The following BACE2 variants were observed in gnomAD, a reference collection of about 807,000 sequenced individuals.
BACE2 encodes beta-secretase 2, also known as 56 kDa aspartic-like protease.
In BACE2, 17 loss-of-function variants were observed where a neutral mutation model predicts 46.2. The observed-to-expected ratio is 0.37, with a 90% CI of 0.25 to 0.55. The LOEUF is 0.55. Among genes scored for constraint, BACE2 ranks in the 20% least tolerant of loss-of-function variants. BACE2 has a pLI of 0.82. For missense variants in BACE2, 595 were observed against 698.1 expected (o/e 0.85, Z 1.66); for synonymous variants, 277 against 295.9 (o/e 0.94, Z 0.66).
chr21:41,228,931 A>C (rs1433204676), intron 2 of BACE2, among the ~76,000 whole-genome samples: 1 of 152,138 alleles, frequency 6.6e-6, no homozygotes, highest in Admixed American at 6.5e-5. Flanking sequence ...GCATATGTGA[A>C]TGGGAGGTGC....
At chr21:41,244,272 G>T (rs145255621) in intron 5 of BACE2, among the ~76,000 whole-genome samples, 1 of 152,092 alleles carries the variant, frequency 6.6e-6, no homozygotes, top group Non-Finnish European at 1.5e-5. Flanking sequence ...CTTGTCACGC[G>T]CGTCCATGTA....
intron 6 of BACE2, among the ~76,000 whole-genome samples, chr21:41,250,180 C>A (rs1476776546): frequency 3.3e-5 from 5 of 152,102 alleles, no homozygotes; most frequent in Non-Finnish European, 5.9e-5. Flanking sequence ...TCTAGTGTTA[C>A]AAGAAGAAGC....
rs73366435 is a variant in BACE2, at chr21:41,224,553, G to A, written c.313-1713G>A. ...TTTCAACCTTTTGGGCTATATCTAC[G>A]TGGTCTGTGTTTATTTCTAAAAGAA... On this transcript the variant is annotated intron_variant, in intron 1 of 8. Transcript: ENST00000330333. 3.4e-3 allele frequency among the ~76,000 whole-genome samples: 515 copies of A among 152,244 alleles called. 5 individuals carry two copies. Among genetic ancestry groups the A allele is most frequent in the East Asian group, 0.012 (63 of 5,184 alleles).
intron 1 of BACE2, among the ~76,000 whole-genome samples, chr21:41,222,338 T>C (rs1986683215): frequency 6.6e-6 from 1 of 152,142 alleles, no homozygotes; most frequent in African/African-American, 2.4e-5. Context: ...ACAGCAGTTC[T>C]CCCAAAGGGC....
intron 1 of BACE2, among the ~76,000 whole-genome samples, chr21:41,199,181 A>G (rs1985859215): frequency 6.6e-6 from 1 of 151,510 alleles, no homozygotes; most frequent in African/African-American, 2.4e-5. Flanking sequence ...CTTCTTTTTT[A>G]ACAGGAACCC....
chr21:41,244,247 T>C (rs1349649069), intron 5 of BACE2, among the ~76,000 whole-genome samples: 1 of 152,198 alleles, frequency 6.6e-6, no homozygotes, highest in East Asian at 1.9e-4. Context: ...TCAATTCTCA[T>C]ATATGCAGGT....
At chr21:41,261,985 C>G (rs985012258) in intron 8 of BACE2, among the ~76,000 whole-genome samples, 1 of 151,994 alleles carries the variant, frequency 6.6e-6, no homozygotes, top group Non-Finnish European at 1.5e-5. Flanking sequence ...GACTTTCACC[C>G]CTAAATATTT....
intron 1 of BACE2, among the ~76,000 whole-genome samples, chr21:41,174,139 C>CTTTTTT (rs1328562900): frequency 2.1e-5 from 1 of 48,496 alleles, no homozygotes; most frequent in African/African-American, 1.6e-4. Context: ...GATCAGTGGC[C>CTTTTTT]TTTTTTTTTT....
intron 8 of BACE2, among the ~76,000 whole-genome samples, chr21:41,262,675 C>A (rs1432899838): frequency 6.6e-6 from 1 of 152,094 alleles, no homozygotes; most frequent in Non-Finnish European, 1.5e-5. Context: ...TTATTTAGGT[C>A]TTCTTTTATG....
chr21:41,192,382 A>G (rs1264961202), intron 1 of BACE2, among the ~76,000 whole-genome samples: 1 of 152,154 alleles, frequency 6.6e-6, no homozygotes, highest in African/African-American at 2.4e-5. Context: ...AATCACGTAT[A>G]TACCACTTCC....
chr21:41,250,730 G>T (rs960231), intron 6 of BACE2, 22 bp from the exon 7 acceptor site: 2 of 1,612,986 alleles, frequency 1.2e-6, no homozygotes, highest in South Asian at 1.1e-5. Context: ...CATGGTTTCT[G>T]ATGTGATCTT....
At position 41,280,269 on chromosome 21, in the gene BACE2, A is replaced by G. The variant is rs1156986981; in HGVS notation, c.*4645A>G. The G allele has an allele frequency of 1.3e-5, 2 of 152,328 alleles. No homozygotes were observed. Among genetic ancestry groups the G allele is most frequent in the African/African-American group, 4.8e-5 (2 of 41,472 alleles). The allele number at this position is 152,328 out of a possible 1,614,324, so 9.4% of individuals were successfully genotyped here. A position where few individuals can be genotyped will look rare whatever the true frequency, so the allele number is the denominator to read the frequency against. On this transcript the variant is annotated 3_prime_UTR_variant, in exon 9 of 9. Transcript: ENST00000330333. ...TCTGAGCATCTGGAAGGCTCCTGGCAGCAGTTACCTGACAGTGTCGTTGAG... is the reference window on the plus strand; with the variant it reads ...TCTGAGCATCTGGAAGGCTCCTGGCGGCAGTTACCTGACAGTGTCGTTGAG...
intron 1 of BACE2, among the ~76,000 whole-genome samples, chr21:41,210,893 C>G (rs896346835): frequency 6.6e-6 from 1 of 152,190 alleles, no homozygotes; most frequent in African/African-American, 2.4e-5. Flanking sequence ...CTGTAAACTG[C>G]TGAATATGTA....
intron 1 of BACE2, among the ~76,000 whole-genome samples, chr21:41,218,880 T>G (rs546621547): frequency 2.0e-4 from 30 of 151,984 alleles, no homozygotes; most frequent in African/African-American, 5.3e-4. Context: ...TTTTTTTTTT[T>G]TGTGACAGAG....
chr21:41,234,315 C>T (rs2123588734), intron 2 of BACE2, among the ~76,000 whole-genome samples: 1 of 152,332 alleles, frequency 6.6e-6, no homozygotes, highest in Middle Eastern at 3.4e-3. Context: ...ATTACCCAGT[C>T]TTAGGTATGC....
chr21:41,196,131 T>A lies in BACE2; in HGVS notation c.312+27556T>A, dbSNP rs912487668. Among the ~76,000 whole-genome samples the A allele has an allele frequency of 4.0e-5, 6 of 151,158 alleles. No homozygotes were observed. The South Asian group carries it at 8.4e-4, about 21-fold the overall frequency. On this transcript the variant is annotated intron_variant, in intron 1 of 8. Coordinates refer to ENST00000330333, the MANE Select transcript of BACE2 (RefSeq NM_012105.5). ...GAAACCCCGTCTTTACTAAAAAAAA[T>A]AAAAATAAAAATAAAAATTAGCCAG...
chr21:41,230,524 A>G (rs1986940401), intron 2 of BACE2, among the ~76,000 whole-genome samples: 1 of 152,164 alleles, frequency 6.6e-6, no homozygotes, highest in South Asian at 2.1e-4. Flanking sequence ...TTCTTTTCTG[A>G]GCTGCAGCTC....
At chr21:41,207,073 A>G (rs570352942) in intron 1 of BACE2, among the ~76,000 whole-genome samples, 1 of 152,374 alleles carries the variant, frequency 6.6e-6, no homozygotes, top group African/African-American at 2.4e-5. Flanking sequence ...ACATTTAGTG[A>G]AACTCCAGAA....
chr21:41,190,956 T>C (rs1334490510), intron 1 of BACE2, among the ~76,000 whole-genome samples: 1 of 152,184 alleles, frequency 6.6e-6, no homozygotes, highest in African/African-American at 2.4e-5. Context: ...TTGTTGTGTC[T>C]CCTGGTGGCA....
Sources: allele counts gnomAD v4.1 joint callset (sites outside exome capture counted in the v4.1 genomes callset), GRCh38; gene constraint gnomAD v4.1.1; transcripts MANE v1.5; gene names NCBI Gene and HGNC (gene_info 2026-07-23, HGNC 2026-07-21).